The following SH3PXD2B variants were observed in gnomAD, a reference collection of about 807,000 sequenced individuals.
SH3PXD2B encodes SH3 and PX domains 2B, also known as SH3 and PX domain-containing protein 2B.
Under a neutral mutation model 73.1 loss-of-function variants are expected in SH3PXD2B, and 37 were observed. The ratio of observed to expected loss-of-function variants is 0.51; its 90% CI spans 0.39 to 0.67. The LOEUF is 0.67. Among genes scored for constraint, SH3PXD2B ranks in the 30% least tolerant of loss-of-function variants. SH3PXD2B has a pLI of 0.00. For synonymous variants in SH3PXD2B, 457 were observed against 480.5 expected, an observed-to-expected ratio of 0.95 and a Z score of 0.64; for missense variants, 1,053 against 1,197.8, an observed-to-expected ratio of 0.88 and a Z score of 1.78.
At position 172,339,928 on chromosome 5, in the gene SH3PXD2B, G is replaced by A; in HGVS notation, c.1189-12C>T. ...TTTTTCTCGATCACCTGCAAGGGAG[G>A]ATAGAGAAAGGCACTTGGCTACGAT... On this transcript the variant is annotated splice_polypyrimidine_tract_variant and intron_variant, in intron 12 of 12. Transcript: ENST00000311601. The surrounding 1 kb of genome is among the most constrained non-coding windows in gnomAD (Gnocchi z 6.1). 6.2e-7 allele frequency: 1 copy of A among 1,614,190 alleles called. No individual in the cohort carries two copies. Among genetic ancestry groups the A allele is most frequent in the Non-Finnish European group, 8.5e-7 (1 of 1,180,024 alleles).
chr5:172,429,627 G>C (rs1303444343), intron 1 of SH3PXD2B, among the ~76,000 whole-genome samples: 1 of 151,304 alleles, frequency 6.6e-6, no homozygotes, highest in Non-Finnish European at 1.5e-5. Context: ...GGGAGGGTGG[G>C]AGGAATTGGG....
chr5:172,387,773 T>C (rs1306214367), intron 4 of SH3PXD2B, among the ~76,000 whole-genome samples: 1 of 152,244 alleles, frequency 6.6e-6, no homozygotes, highest in Non-Finnish European at 1.5e-5. Flanking sequence ...TTGTGTCTTT[T>C]GATGAACAGA....
At chr5:172,387,094 G>T (rs1467425377) in intron 4 of SH3PXD2B, among the ~76,000 whole-genome samples, 2 of 152,226 alleles carry the variant, frequency 1.3e-5, no homozygotes, top group Non-Finnish European at 2.9e-5. Flanking sequence ...GGTGGTGTAT[G>T]ACAGAATTCC....
chr5:172,350,624 C>T (rs370730658), intron 9 of SH3PXD2B, 35 bp from the exon 10 acceptor site: 44 of 1,557,294 alleles, frequency 2.8e-5, no homozygotes, highest in Non-Finnish European at 3.6e-5. Context: ...TCAAACTGCT[C>T]CGCCAGGCCC....
intron 1 of SH3PXD2B, among the ~76,000 whole-genome samples, chr5:172,441,494 C>T (rs1411554790): frequency 6.6e-6 from 1 of 152,198 alleles, no homozygotes; most frequent in African/African-American, 2.4e-5. Context: ...TCAAGAAACA[C>T]ACTTGGGCTG....
chr5:172,369,114 C>T (rs555210677), intron 6 of SH3PXD2B, among the ~76,000 whole-genome samples: 6 of 151,198 alleles, frequency 4.0e-5, no homozygotes, highest in African/African-American at 1.5e-4. Flanking sequence ...AGGCTGGTCT[C>T]GAACTCCTGA....
At chr5:172,358,939 C>A in intron 7 of SH3PXD2B, 62 bp from the exon 8 acceptor site, 1 of 1,470,274 alleles carries the variant, frequency 6.8e-7, no homozygotes, top group African/African-American at 1.4e-5. Flanking sequence ...GGGGTCAGAA[C>A]ATAATAATCT....
At chr5:172,441,580 C>G (rs1448799517) in intron 1 of SH3PXD2B, among the ~76,000 whole-genome samples, 2 of 152,124 alleles carry the variant, frequency 1.3e-5, no homozygotes. Context: ...TCAATGTGTA[C>G]GTGTCATGAT....
chr5:172,415,166 C>T (rs1369157727), intron 2 of SH3PXD2B, among the ~76,000 whole-genome samples: 6 of 152,204 alleles, frequency 3.9e-5, no homozygotes, highest in Non-Finnish European at 8.8e-5. Context: ...TTAACTGCGC[C>T]TTCTGTGAGG....
In SH3PXD2B at chr5:172,338,895, T is replaced by G; in HGVS notation, c.2210A>C (p.Asp737Ala). The change falls in exon 13 of 13, where the codon GAT becomes GCT. Residue 737 changes from aspartate (D) to alanine (A), a missense_variant. By Grantham distance (126) the Asp-to-Ala change is moderately radical. Around this residue, in one of 2 missense-constraint regions of SH3PXD2B, gnomAD observed 587 missense variants for 590.7 expected, o/e 0.99. Transcript: ENST00000311601. The surrounding 1 kb of genome is among the most constrained non-coding windows in gnomAD (Gnocchi z 5.1). ...AACAGGCACGCTCTTAGACACAGGA[T>G]CTGTGGTCTTGGCTGGCCTCGGAGG... is the stretch of plus-strand genomic sequence containing the variant. The part of the protein sequence containing the change: ...RAPPRPAKTT[D>A]PVSKSVPVPL... 3.1e-6 allele frequency: 5 copies of G among 1,613,832 alleles called. No individual in the cohort carries two copies. The highest frequency in any genetic ancestry group is 4.2e-6 in the Non-Finnish European group (5 of 1,179,762).
At chr5:172,347,438 C>G (rs1427573284) in intron 10 of SH3PXD2B, 106 bp from the exon 11 acceptor site, 2 of 1,093,490 alleles carry the variant, frequency 1.8e-6, no homozygotes, top group African/African-American at 3.1e-5. Flanking sequence ...ACACAGGCGT[C>G]TGCATGCTGC....
chr5:172,431,693 C>CACACAT (rs1383796198), intron 1 of SH3PXD2B, among the ~76,000 whole-genome samples: 3 of 152,058 alleles, frequency 2.0e-5, no homozygotes, highest in African/African-American at 7.2e-5. Flanking sequence ...ACCCATTGCA[C>CACACAT]ACACACACAC....
In SH3PXD2B at chr5:172,368,453, T is replaced by TTATATA. The variant is rs773035950; in HGVS notation, c.427+5331_427+5336dup. Among the ~76,000 whole-genome samples the TTATATA allele has an allele frequency of 2.2e-3, 178 of 79,990 alleles. 6 individuals are homozygous for TTATATA. Among genetic ancestry groups the TTATATA allele is most frequent in the South Asian group, 8.2e-3 (18 of 2,208 alleles). 52.5% of individuals were successfully genotyped at this position (79,990 alleles called of 152,430 possible). ...TTGGTGCAAGGGGAGCTAAGAATGC[T>TTATATA]TATATATATATATATTATATATATA... On this transcript the variant is annotated intron_variant, in intron 6 of 12. Coordinates refer to ENST00000311601, the MANE Select transcript of SH3PXD2B (RefSeq NM_001017995.3).
chr5:172,377,133 C>T (rs1757838575), intron 5 of SH3PXD2B, among the ~76,000 whole-genome samples: 1 of 152,150 alleles, frequency 6.6e-6, no homozygotes, highest in African/African-American at 2.4e-5. Context: ...GGAGTGGGGG[C>T]GGCAGGGGAC....
At chr5:172,446,579 C>T (rs371692793) in intron 1 of SH3PXD2B, among the ~76,000 whole-genome samples, 4 of 152,180 alleles carry the variant, frequency 2.6e-5, no homozygotes, top group East Asian at 1.9e-4. Flanking sequence ...ACGGCGGGAA[C>T]GGCACAGTCC....
rs755099800 is a variant in SH3PXD2B, at chr5:172,338,740, T to G, written c.2365A>C (p.Arg789=). 1 of 1,614,230 alleles carries G rather than the reference T, an allele frequency of 6.2e-7. No homozygotes were observed. Among genetic ancestry groups the G allele is most frequent in the East Asian group, 2.2e-5 (1 of 44,888 alleles). Residue 789 remains arginine (R), a synonymous_variant, in exon 13 of 13, where the codon AGG becomes CGG. Transcript: ENST00000311601. The surrounding 1 kb of genome is among the most constrained non-coding windows in gnomAD (Gnocchi z 5.1). ...GCACGGCCTGGGGTGGGAGCTGCCC[T>G]GCTTTCGTGGCCTTCACACTGTGGA... ...RGPQCEGHES[R]AAPTPGRALL...
intron 4 of SH3PXD2B, among the ~76,000 whole-genome samples, chr5:172,391,080 A>C (rs1258310893): frequency 6.6e-6 from 1 of 151,998 alleles, no homozygotes; most frequent in South Asian, 2.1e-4. Flanking sequence ...ACCTCAGGTG[A>C]TCCACCCGCC....
chr5:172,419,837 C>T (rs1758917634), intron 2 of SH3PXD2B, among the ~76,000 whole-genome samples: 1 of 152,190 alleles, frequency 6.6e-6, no homozygotes, highest in African/African-American at 2.4e-5. Flanking sequence ...GTCAGGCAGG[C>T]AAGAGGCCTC....
chr5:172,337,166 G>T lies in SH3PXD2B; in HGVS notation c.*1203C>A. ...CCTGTCATGGAGATGCAGCTGTTGA[G>T]TCCAGGGCAGCCTTTGGTATAGGCT... On this transcript the variant is annotated 3_prime_UTR_variant, in exon 13 of 13. Transcript: ENST00000311601. 1.0e-6 allele frequency: 1 copy of T among 985,542 alleles called. No individual in the cohort carries two copies. Among genetic ancestry groups the T allele is most frequent in the South Asian group, 4.7e-5 (1 of 21,286 alleles). The allele number at this position is 985,542 out of a possible 1,614,324, so 61.0% of individuals were successfully genotyped here.
Sources: allele counts gnomAD v4.1 joint callset (sites outside exome capture counted in the v4.1 genomes callset), GRCh38; gene constraint gnomAD v4.1.1; regional missense constraint gnomAD v4.1.1; non-coding constraint Gnocchi (gnomAD v3.1); transcripts MANE v1.5; gene names NCBI Gene and HGNC (gene_info 2026-07-23, HGNC 2026-07-21).